POLD3: variants seen among roughly 807,000 people sequenced by gnomAD.
POLD3 encodes the protein DNA polymerase delta 3, accessory subunit, also known as DNA polymerase delta subunit 3.
In POLD3, 19 loss-of-function variants were observed where a neutral mutation model predicts 58.2. The ratio of observed to expected loss-of-function variants is 0.33; its 90% CI spans 0.23 to 0.48. The LOEUF (loss-of-function observed/expected upper bound fraction) is 0.48, where lower values mean the gene tolerates loss of function less well. Among genes scored for constraint, POLD3 ranks in the 20% least tolerant of loss-of-function variants. The pLI is 0.99. For synonymous variants in POLD3, 172 were observed against 193.5 expected (o/e 0.89, Z 0.92); for missense variants, 504 against 545.5 (o/e 0.92, Z 0.76).
chr11:74,625,607 C>G (rs527924539), intron 8 of POLD3, 34 bp downstream of exon 8: 2 of 1,570,574 alleles, frequency 1.3e-6, no homozygotes, highest in South Asian at 2.3e-5. Context: ...GGGGAAGAGT[C>G]TTTACTGGGG....
At chr11:74,631,883 A>G (rs11236180) in intron 9 of POLD3, among the ~76,000 whole-genome samples, 19,813 of 151,564 alleles carry the variant, frequency 0.13, 1,671 homozygotes, top group African/African-American at 0.24. Context: ...AGTACCTTCA[A>G]TTTTTTCAGA....
rs149090159 is a variant in POLD3 at position 74,632,962 on chromosome 11, C to G, written c.1007-1621C>G. On this transcript the variant is annotated intron_variant, in intron 9 of 11. Coordinates refer to ENST00000263681, the MANE Select transcript of POLD3 (RefSeq NM_006591.3). ...TACTCTATGTTTATGCCAGGGAAAT[C>G]GTGGTGTCTCTGCCTTTTTGGAGCT... Among the ~76,000 whole-genome samples, 500 of 143,304 alleles carry G rather than the reference C, an allele frequency of 3.5e-3. 3 individuals carry two copies. Among genetic ancestry groups the G allele is most frequent in the African/African-American group, 0.013 (467 of 35,990 alleles). 94.0% of individuals were successfully genotyped at this position (143,304 alleles called of 152,430 possible).
intron 2 of POLD3, 40 bp from the exon 3 acceptor site, chr11:74,604,652 T>C (rs761793678): frequency 2.9e-6 from 3 of 1,040,952 alleles, no homozygotes; most frequent in Non-Finnish European, 3.0e-6. Context: ...GTAAAAACTC[T>C]TACTGATGTC....
chr11:74,626,352 C>A (rs899640162), intron 8 of POLD3, among the ~76,000 whole-genome samples: 1 of 152,160 alleles, frequency 6.6e-6, no homozygotes, highest in African/African-American at 2.4e-5. Context: ...TATTTCACTA[C>A]TAAATGTGAT....
rs1007967132 is a variant in POLD3, at chr11:74,641,346, C to T, written c.*580C>T. On this transcript the variant is annotated 3_prime_UTR_variant, in exon 12 of 12. Transcript: ENST00000263681. ...AATCCTCTTCCTCCATTATGCAGTA[C>T]ACGGACACCTGGCTACAGACCAGGA... 1.0e-6 allele frequency: 1 copy of T among 985,416 alleles called. No individual in the cohort carries two copies. Among genetic ancestry groups the T allele is most frequent in the African/African-American group, 1.7e-5 (1 of 57,338 alleles). 61.0% of individuals were successfully genotyped at this position (985,416 alleles called of 1,614,324 possible).
chr11:74,612,167 A>C (rs544259920), intron 4 of POLD3, among the ~76,000 whole-genome samples: 1 of 152,332 alleles, frequency 6.6e-6, no homozygotes, highest in Admixed American at 6.5e-5. Flanking sequence ...TTTAAAAAGA[A>C]AGAGTTCCTG....
chr11:74,633,918 T>A (rs1463238096), intron 9 of POLD3, among the ~76,000 whole-genome samples: 5 of 152,252 alleles, frequency 3.3e-5, no homozygotes, highest in Non-Finnish European at 7.3e-5. Context: ...TTCACCCACC[T>A]CCAAGTTTAT....
intron 5 of POLD3, among the ~76,000 whole-genome samples, chr11:74,613,662 A>G (rs113152810): frequency 1.3e-5 from 2 of 152,336 alleles, no homozygotes; most frequent in African/African-American, 4.8e-5. Flanking sequence ...TCAGTTCCCC[A>G]GACATACATT....
intron 2 of POLD3, among the ~76,000 whole-genome samples, chr11:74,597,501 C>T (rs545861365): frequency 6.6e-6 from 1 of 152,200 alleles, no homozygotes; most frequent in African/African-American, 2.4e-5. Context: ...CACCCTGTTG[C>T]CCAGATGGAA....
downstream of POLD3, among the ~76,000 whole-genome samples, chr11:74,646,323 T>C (rs2032999551): frequency 6.6e-6 from 1 of 152,154 alleles, no homozygotes. Context: ...AGATCCAAGA[T>C]TGTCAGATTT....
Position 74,649,822 on chromosome 11 carries a change from A to G in POLD3, c.369+13547A>G, listed in dbSNP as rs562308849. Among the ~76,000 whole-genome samples the G allele has an allele frequency of 8.5e-5, 13 of 152,328 alleles. No homozygotes were observed. In the South Asian group the frequency reaches 2.7e-3, roughly 32 times the overall value. ...CAGGAGTTCGAGACCAGCCTGGCCA[A>G]CATGGTGAAACCCCATCTTTATTTA... On this transcript the variant is annotated intron_variant, in intron 4 of 4. Coordinates refer to the POLD3 transcript ENST00000524752.
intron 4 of POLD3, among the ~76,000 whole-genome samples, chr11:74,658,332 T>C (rs1252110329): frequency 6.6e-6 from 1 of 152,086 alleles, no homozygotes; most frequent in Non-Finnish European, 1.5e-5. Context: ...TCCCACAATA[T>C]GTGGGAATTC....
intron 2 of POLD3, among the ~76,000 whole-genome samples, chr11:74,602,789 A>G (rs1171705370): frequency 1.3e-5 from 2 of 151,900 alleles, no homozygotes; most frequent in African/African-American, 2.4e-5. Flanking sequence ...CTCCCCTACT[A>G]CCGTCCTTAT....
At chr11:74,664,094 A>G (rs1045555423) in intron 4 of POLD3, among the ~76,000 whole-genome samples, 3 of 152,250 alleles carry the variant, frequency 2.0e-5, no homozygotes, top group African/African-American at 7.2e-5. Context: ...AGATATCACT[A>G]CATGCCCATT....
At chr11:74,645,946 T>G (rs1450833966), downstream of POLD3, among the ~76,000 whole-genome samples, 3 of 151,784 alleles carry the variant, frequency 2.0e-5, no homozygotes, top group Non-Finnish European at 2.9e-5. Flanking sequence ...TGATGTTTTT[T>G]TTTTTTTTTT....
At chr11:74,618,431 T>G (rs2032145726) in intron 5 of POLD3, 106 bp from the exon 6 acceptor site, 1 of 795,668 alleles carries the variant, frequency 1.3e-6, no homozygotes. Context: ...AGCAAGAGTT[T>G]GAAAATAAAG....
chr11:74,606,893 G>A (rs2031695162), intron 3 of POLD3, among the ~76,000 whole-genome samples: 1 of 152,152 alleles, frequency 6.6e-6, no homozygotes, highest in Non-Finnish European at 1.5e-5. Flanking sequence ...GCAGCAGAGT[G>A]CTTTTTCAAA....
chr11:74,612,486 A>C (rs909711959), intron 4 of POLD3, among the ~76,000 whole-genome samples: 2 of 152,184 alleles, frequency 1.3e-5, no homozygotes, highest in African/African-American at 4.8e-5. Context: ...GCTTTCTCTA[A>C]ACTAAAATTG....
chr11:74,607,307 G>A (rs1388342270), intron 3 of POLD3, among the ~76,000 whole-genome samples: 2 of 149,726 alleles, frequency 1.3e-5, no homozygotes, highest in Admixed American at 6.7e-5. Context: ...CTGTCGCCCA[G>A]GCTGGAGTGC....
Sources: allele counts gnomAD v4.1 joint callset (sites outside exome capture counted in the v4.1 genomes callset), GRCh38; gene constraint gnomAD v4.1.1; transcripts MANE v1.5; gene names NCBI Gene and HGNC (gene_info 2026-07-23, HGNC 2026-07-21).